The following PMPCB variants were observed in gnomAD, a reference collection of about 807,000 sequenced individuals.
The protein encoded by PMPCB is peptidase, mitochondrial processing subunit beta.
In PMPCB, 46 loss-of-function variants were observed where a neutral mutation model predicts 61.5. The ratio of observed to expected loss-of-function variants is 0.75; its 90% CI spans 0.59 to 0.96. The LOEUF (loss-of-function observed/expected upper bound fraction) is 0.96, where lower values mean the gene tolerates loss of function less well. PMPCB is among the 40% of genes least tolerant of loss of function. The pLI, the probability that PMPCB is intolerant of heterozygous loss-of-function variation, is 0.00. For synonymous variants in PMPCB, 191 were observed against 201.6 expected, an observed-to-expected ratio of 0.95 and a Z score of 0.44; for missense variants, 590 against 602.4, an observed-to-expected ratio of 0.98 and a Z score of 0.22.
Position 103,299,473 on chromosome 7 carries a change from T to TA in PMPCB, c.272dup (p.Tyr91Ter). The TA allele has an allele frequency of 1.2e-6, 2 of 1,611,768 alleles. No homozygotes were observed. Among genetic ancestry groups the TA allele is most frequent in the Non-Finnish European group, 1.7e-6 (2 of 1,178,132 alleles). The change falls in exon 3 of 13, where the codon TAC becomes TAAC. Residue 91 changes from tyrosine to a stop codon, truncating the protein, a stop_gained and frameshift_variant. Transcript: ENST00000249269. LOFTEE classifies it high-confidence loss of function. The part of the protein sequence containing the change: ...VGLWIDAGSR[Y>*]ENEKNNGTAH... Reference sequence around the variant, plus strand: ...ACTCTGGATTGATGCTGGAAGTAGATACGAAAATGAGAAGAACAATGGAAC... The same window carrying TA: ...ACTCTGGATTGATGCTGGAAGTAGATAACGAAAATGAGAAGAACAATGGAAC...
At chr7:103,310,034 T>C (rs1389854834) in intron 8 of PMPCB, among the ~76,000 whole-genome samples, 3 of 152,248 alleles carry the variant, frequency 2.0e-5, no homozygotes, top group African/African-American at 7.2e-5. Context: ...AGAAATTGGG[T>C]TGATAATAGC....
chr7:103,333,521 AAAAT>A (rs1586105281), downstream of PMPCB, among the ~76,000 whole-genome samples: 1 of 152,228 alleles, frequency 6.6e-6, no homozygotes, highest in Admixed American at 6.5e-5. Context: ...AAACGTAGAT[AAAAT>A]AAATGCCCAG....
chr7:103,300,382 T>C (rs1817417242), intron 4 of PMPCB, 75 bp downstream of exon 4: 2 of 1,200,874 alleles, frequency 1.7e-6, no homozygotes, highest in Non-Finnish European at 2.3e-6. Flanking sequence ...ATTTTTATTA[T>C]GTCTGTTGTA....
downstream of PMPCB, chr7:103,315,811 C>G: frequency 6.2e-7 from 1 of 1,613,780 alleles, no homozygotes; most frequent in Non-Finnish European, 8.5e-7. Context: ...AGGTACCACT[C>G]CATGTTCTTT....
In PMPCB at chr7:103,300,312, T is replaced by C; in HGVS notation, c.457+5T>C. 6.3e-7 allele frequency: 1 copy of C among 1,591,946 alleles called. No individual in the cohort carries two copies. On this transcript the variant is annotated splice_donor_5th_base_variant and intron_variant, in intron 4 of 12. Coordinates refer to ENST00000249269, the MANE Select transcript of PMPCB (RefSeq NM_004279.3). ...TCTCTAAAGACTTGCCAAGAGGTAC[T>C]GTTATTATTTATACAGCAGATAATG...
chr7:103,317,782 C>G (rs1818154352), downstream of PMPCB, among the ~76,000 whole-genome samples: 1 of 152,154 alleles, frequency 6.6e-6, no homozygotes, highest in Admixed American at 6.5e-5. Context: ...TCCCAAGTAG[C>G]TGGGATTACA....
chr7:103,327,734 GTT>G, intron 12 of PMPCB: 1 of 1,612,728 alleles, frequency 6.2e-7, no homozygotes, highest in African/African-American at 1.3e-5. Flanking sequence ...TCTGGGTGAT[GTT>G]TTAAAACCAT....
chr7:103,332,641 G>A (rs1819021194), downstream of PMPCB, among the ~76,000 whole-genome samples: 1 of 151,326 alleles, frequency 6.6e-6, no homozygotes, highest in South Asian at 2.1e-4. Context: ...TTTTGCGGGG[G>A]AGGGGATGGG....
intron 4 of PMPCB, among the ~76,000 whole-genome samples, chr7:103,302,224 A>G (rs1817470701): frequency 6.6e-6 from 1 of 152,158 alleles, no homozygotes; most frequent in Admixed American, 6.5e-5. Context: ...GGTTGGTTCC[A>G]AGTCTTTGCT....
downstream of PMPCB, chr7:103,316,787 G>C: frequency 6.6e-7 from 1 of 1,518,056 alleles, no homozygotes; most frequent in Non-Finnish European, 9.1e-7. Flanking sequence ...ATTATCTCCA[G>C]GCTCCAGTGT....
downstream of PMPCB, chr7:103,319,634 ACTT>A (rs1279823148): frequency 1.2e-6 from 2 of 1,614,080 alleles, no homozygotes; most frequent in Admixed American, 1.7e-5. Context: ...AGCCTTTCCT[ACTT>A]CTTTTGTGCA....
At chr7:103,334,944 G>A in the PMPCB span, among the ~76,000 whole-genome samples, 1 of 152,038 alleles carries the variant, frequency 6.6e-6, no homozygotes, top group Admixed American at 6.6e-5. Context: ...AGCGGTTCTC[G>A]TGCCGCAGCC....
At chr7:103,316,832 T>A (rs778114813), downstream of PMPCB, 257 of 1,613,030 alleles carry the variant, frequency 1.6e-4, 1 homozygote, top group Middle Eastern at 6.6e-4. Context: ...ACCAGTACCT[T>A]GAATTTGTTC....
intron 12 of PMPCB, chr7:103,322,592 C>T (rs1166144687): frequency 6.2e-7 from 1 of 1,611,246 alleles, no homozygotes. Context: ...TTTCTTCTTC[C>T]TTGAACTTTT....
chr7:103,323,985 T>A (rs1818565922), intron 12 of PMPCB, among the ~76,000 whole-genome samples: 1 of 152,240 alleles, frequency 6.6e-6, no homozygotes, highest in African/African-American at 2.4e-5. Flanking sequence ...GTAGTGGTTA[T>A]CTCATCTCCA....
At chr7:103,306,317 T>C (rs2115672454) in intron 6 of PMPCB, among the ~76,000 whole-genome samples, 1 of 152,110 alleles carries the variant, frequency 6.6e-6, no homozygotes, top group Admixed American at 6.5e-5. Flanking sequence ...AATTCCTGAG[T>C]TTTTGCATTT....
At position 103,311,965 on chromosome 7, in the gene PMPCB, A is replaced by G. The variant is rs995300009; in HGVS notation, c.1329+69A>G. 31 of 1,516,642 alleles carry G rather than the reference A, an allele frequency of 2.0e-5. No homozygotes were observed. The African/African-American group carries it at 4.2e-4, about 20-fold the overall frequency. The allele number at this position is 1,516,642 out of a possible 1,614,324, so 93.9% of individuals were successfully genotyped here. A position where few individuals can be genotyped will look rare whatever the true frequency, so the allele number is the denominator to read the frequency against. ...CTTGTTACAAAAGCTGAGAATATGTATCTTTCATCTTGCTTTAGTTTTAAA... is the reference window on the plus strand; with the variant it reads ...CTTGTTACAAAAGCTGAGAATATGTGTCTTTCATCTTGCTTTAGTTTTAAA... On this transcript the variant is annotated intron_variant, in intron 11 of 12. Coordinates refer to ENST00000249269, the MANE Select transcript of PMPCB (RefSeq NM_004279.3).
chr7:103,319,813 T>A (rs1315927378), intron 12 of PMPCB: 8 of 1,614,064 alleles, frequency 5.0e-6, no homozygotes, highest in Non-Finnish European at 6.8e-6. Context: ...TTTAACCCGC[T>A]CTGCCTCATT....
At chr7:103,298,764 T>C in intron 2 of PMPCB, 56 bp downstream of exon 2, 1 of 1,537,630 alleles carries the variant, frequency 6.5e-7, no homozygotes, top group Non-Finnish European at 8.9e-7. Context: ...TAGCAAATTG[T>C]TGATTTTAAT....
Sources: gnomAD v4.1 joint callset for allele counts (sites outside exome capture counted in the v4.1 genomes callset) on GRCh38, gnomAD v4.1.1 for gene constraint, MANE v1.5 for transcripts, NCBI Gene and HGNC (gene_info 2026-07-23, HGNC 2026-07-21) for gene names.